NEDD9: variants seen among roughly 807,000 people sequenced by gnomAD.
NEDD9 encodes neural precursor cell expressed, developmentally down-regulated 9.
NEDD9 carries 26 observed loss-of-function variants against 76.6 expected under a neutral mutation model. The observed-to-expected ratio is 0.34, with a 90% CI of 0.25 to 0.47. NEDD9 has a LOEUF of 0.47. Ranked by LOEUF, NEDD9 falls within the 20% of genes least tolerant of loss-of-function variation. The pLI, the probability that NEDD9 is intolerant of heterozygous loss-of-function variation, is 1.00. For missense variants in NEDD9, 937 were observed against 1,058.5 expected (o/e 0.89, Z 1.59); for synonymous variants, 392 against 414.2 (o/e 0.95, Z 0.65).
chr6:11,364,037 G>T (rs1762721156), intron 1 of NEDD9, among the ~76,000 whole-genome samples: 1 of 152,148 alleles, frequency 6.6e-6, no homozygotes, highest in Non-Finnish European at 1.5e-5. Context: ...GGTTCCTGCT[G>T]GTCCGTGATA....
At chr6:11,276,810 T>C (rs989443957) in intron 3 of NEDD9, among the ~76,000 whole-genome samples, 1 of 152,170 alleles carries the variant, frequency 6.6e-6, no homozygotes, top group Non-Finnish European at 1.5e-5. Context: ...ATAGTGGCCA[T>C]TATTATAGCA....
At chr6:11,290,664 G>A (rs1245133373) in intron 3 of NEDD9, among the ~76,000 whole-genome samples, 1 of 152,138 alleles carries the variant, frequency 6.6e-6, no homozygotes, top group African/African-American at 2.4e-5. Flanking sequence ...GACCAAATGA[G>A]CCCTTTTATC....
chr6:11,342,056 T>C (rs1304142548), intron 1 of NEDD9, among the ~76,000 whole-genome samples: 1 of 152,088 alleles, frequency 6.6e-6, no homozygotes, highest in African/African-American at 2.4e-5. Flanking sequence ...AAGTGAATCA[T>C]TCATCGGAAG....
In NEDD9 at chr6:11,185,382, G is replaced by C. The variant is rs1298082411; in HGVS notation, c.2285C>G (p.Thr762Arg). The C allele has an allele frequency of 6.2e-7, 1 of 1,614,224 alleles. No individual in the cohort carries two copies. Among genetic ancestry groups the C allele is most frequent in the Non-Finnish European group, 8.5e-7 (1 of 1,180,044 alleles). ...CTGGGCAGTCACCTGCCGTGTCAGCGTGTCTCCAATGAACACCAGTTTGTG... is the reference window on the plus strand; with the variant it reads ...CTGGGCAGTCACCTGCCGTGTCAGCCTGTCTCCAATGAACACCAGTTTGTG... ...SAHKLVFIGDTLTRQVTAQDI... is the reference protein window; with the variant it reads ...SAHKLVFIGDRLTRQVTAQDI... The change falls in exon 7 of 7, where the codon ACG becomes AGG. Residue 762 changes from threonine (T) to arginine (R), a missense_variant. By Grantham distance (71) the Thr-to-Arg change is moderately conservative. Coordinates refer to ENST00000379446, the MANE Select transcript of NEDD9 (RefSeq NM_006403.4).
At chr6:11,219,874 C>T (rs1759087373) in intron 1 of NEDD9, among the ~76,000 whole-genome samples, 1 of 152,104 alleles carries the variant, frequency 6.6e-6, no homozygotes, top group Admixed American at 6.5e-5. Flanking sequence ...CTGTAAGTGT[C>T]AGGATTTTAA....
intron 3 of NEDD9, among the ~76,000 whole-genome samples, chr6:11,264,634 C>T (rs143912197): frequency 1.3e-3 from 204 of 152,108 alleles, no homozygotes; most frequent in African/African-American, 4.7e-3. Context: ...GCTGTGGATT[C>T]GTTTAAAACA....
chr6:11,333,286 A>G (rs1483735796), intron 2 of NEDD9, among the ~76,000 whole-genome samples: 2 of 152,206 alleles, frequency 1.3e-5, no homozygotes, highest in East Asian at 3.8e-4. Flanking sequence ...ATCAGAAGCC[A>G]TTTCTGAAGA....
intron 3 of NEDD9, among the ~76,000 whole-genome samples, chr6:11,283,724 G>T (rs1760583976): frequency 1.3e-5 from 2 of 152,118 alleles, no homozygotes; most frequent in Non-Finnish European, 2.9e-5. Flanking sequence ...ACACACAAAG[G>T]TTAATGATTG....
rs751821153 is a variant in NEDD9, at chr6:11,192,363, G to A, written c.645C>T (p.Asp215=). 1.3e-5 allele frequency: 20 copies of A among 1,563,724 alleles called. No individual in the cohort carries two copies. The highest frequency in any genetic ancestry group is 1.7e-4 in the Middle Eastern group (1 of 5,884). The stretch of plus-strand genomic sequence containing the variant: ...CACTCACCCCTTTTGTAGGCGGGAT[G>A]TCATACACCCCTTGAGGTTTTATCT... The part of the protein sequence containing the change: ...VGEIKPQGVY[D]IPPTKGVYAI... Residue 215 remains aspartate, a synonymous_variant, in exon 4 of 7, where the codon GAC becomes GAT. Coordinates refer to ENST00000379446, the MANE Select transcript of NEDD9 (RefSeq NM_006403.4).
intron 3 of NEDD9, among the ~76,000 whole-genome samples, chr6:11,261,905 C>T (rs1304248281): frequency 3.9e-5 from 6 of 152,164 alleles, no homozygotes; most frequent in Non-Finnish European, 8.8e-5. Context: ...GTTAGATTCT[C>T]GTCTTACCCT....
At chr6:11,199,637 C>CTTTTTTTTTTTTTTTTTTTTTTTTTTTT (rs59651160) in intron 2 of NEDD9, 2 of 43,110 alleles carry the variant, frequency 4.6e-5, no homozygotes, top group Non-Finnish European at 8.6e-5. Flanking sequence ...TAGGAAAGAT[C>CTTTTTTTTTTTTTTTTTTTTTTTTTTTT]TTTTTTTTTT....
upstream of NEDD9, among the ~76,000 whole-genome samples, chr6:11,237,289 C>T (rs561317188): frequency 6.6e-6 from 1 of 152,136 alleles, no homozygotes; most frequent in Admixed American, 6.5e-5. This position sits in a 1 kb window ranked among gnomAD's most constrained non-coding sequence, Gnocchi z 4.9. Flanking sequence ...CATCTGTGTC[C>T]CCTGTCCTGT....
chr6:11,219,160 C>T (rs1291257690), intron 1 of NEDD9, among the ~76,000 whole-genome samples: 2 of 152,160 alleles, frequency 1.3e-5, no homozygotes, highest in African/African-American at 4.8e-5. Context: ...GGACACATGA[C>T]GGCTTCTACC....
At chr6:11,256,517 G>A (rs1460532097) in intron 3 of NEDD9, among the ~76,000 whole-genome samples, 1 of 152,066 alleles carries the variant, frequency 6.6e-6, no homozygotes, top group Non-Finnish European at 1.5e-5. Flanking sequence ...TTTGAGACAG[G>A]TCTCACTCTG....
intron 2 of NEDD9, among the ~76,000 whole-genome samples, chr6:11,321,290 G>T (rs1264159763): frequency 3.3e-5 from 5 of 152,152 alleles, no homozygotes; most frequent in Non-Finnish European, 1.5e-5. Flanking sequence ...TAAAAGCGAA[G>T]GCCACCAGCA....
At chr6:11,365,265 A>G (rs1762740534) in intron 1 of NEDD9, among the ~76,000 whole-genome samples, 1 of 152,204 alleles carries the variant, frequency 6.6e-6, no homozygotes, top group African/African-American at 2.4e-5. Flanking sequence ...CCAACATTCC[A>G]TAGACCTATT....
Position 11,190,420 on chromosome 6 carries a change from G to A in NEDD9, c.1449C>T (p.Asn483=). The A allele has an allele frequency of 6.2e-7, 1 of 1,614,198 alleles. No homozygotes were observed. The highest frequency in any genetic ancestry group is 1.6e-4 in the Middle Eastern group (1 of 6,062). Residue 483 remains asparagine (N), a synonymous_variant, in exon 5 of 7, where the codon AAC becomes AAT. Transcript: ENST00000379446. This position sits in a 1 kb window ranked among gnomAD's most constrained non-coding sequence, Gnocchi z 5.8. The part of the protein sequence containing the change: ...AACLPELILH[N]KMKRELQRVE... The stretch of plus-strand genomic sequence containing the variant: ...CTCGTTGCAGCTCCCGCTTCATCTT[G>A]TTGTGGAGGATGAGTTCCGGGAGGC...
chr6:11,211,566 C>G (rs1758789398), intron 2 of NEDD9, among the ~76,000 whole-genome samples: 1 of 152,190 alleles, frequency 6.6e-6, no homozygotes, highest in African/African-American at 2.4e-5. Context: ...TTACACCTTT[C>G]AACTGTTATT....
upstream of NEDD9, among the ~76,000 whole-genome samples, chr6:11,234,763 T>C (rs1386858244): frequency 6.6e-6 from 1 of 150,846 alleles, no homozygotes; most frequent in Non-Finnish European, 1.5e-5. Flanking sequence ...TTGCCCAGGC[T>C]GGAGTGCAGT....
Sources: gnomAD v4.1 joint callset for allele counts (sites outside exome capture counted in the v4.1 genomes callset) on GRCh38, gnomAD v4.1.1 for gene constraint, Gnocchi (gnomAD v3.1) non-coding constraint, MANE v1.5 for transcripts, NCBI Gene and HGNC (gene_info 2026-07-23, HGNC 2026-07-21) for gene names.